CPS1: variants seen among roughly 807,000 people sequenced by gnomAD.
CPS1 encodes the protein carbamoyl-phosphate synthase [ammonia], mitochondrial.
Under a neutral mutation model 174.6 loss-of-function variants are expected in CPS1, and 109 were observed. The ratio of observed to expected loss-of-function variants is 0.62; its 90% confidence interval spans 0.53 to 0.73. CPS1 has a LOEUF of 0.73. CPS1 is among the 30% of genes least tolerant of loss of function. CPS1 has a pLI of 0.00. For synonymous variants in CPS1, 637 were observed against 632.0 expected, an observed-to-expected ratio of 1.01 and a Z score of -0.12; for missense variants, 1,689 against 1,821.9, an observed-to-expected ratio of 0.93 and a Z score of 1.33.
chr2:210,568,958 C>CT (rs897541185), intron 1 of CPS1, among the ~76,000 whole-genome samples: 5 of 151,070 alleles, frequency 3.3e-5, no homozygotes, highest in South Asian at 2.1e-4. Flanking sequence ...AGAGCATATG[C>CT]TTTTTTTTTC....
At chr2:210,507,639 C>T (rs368998876) in intron 1 of CPS1, among the ~76,000 whole-genome samples, 7 of 150,918 alleles carry the variant, frequency 4.6e-5, no homozygotes, top group East Asian at 3.9e-4. Context: ...ACCCATCTCA[C>T]ATGCAGAGAC....
intron 1 of CPS1, among the ~76,000 whole-genome samples, chr2:210,542,041 C>T (rs1296092140): frequency 6.6e-6 from 1 of 152,126 alleles, no homozygotes; most frequent in Non-Finnish European, 1.5e-5. Context: ...ATCTCATATA[C>T]TCAAGTATTC....
intron 30 of CPS1, chr2:210,658,170 G>T (rs1181272429): frequency 1.3e-5 from 3 of 229,458 alleles, no homozygotes; most frequent in Non-Finnish European, 2.6e-5. Flanking sequence ...CAACACAAAA[G>T]AAATCTCTCT....
rs542345057 is a variant in CPS1, at chr2:210,592,042, G to A, written c.1086+73G>A. On this transcript the variant is annotated intron_variant, in intron 10 of 37. Coordinates refer to ENST00000233072, the MANE Select transcript of CPS1 (RefSeq NM_001875.5). The stretch of plus-strand genomic sequence containing the variant: ...GCTTTTAAAAATAATTGATACATAA[G>A]CATTGTATATATTTATGAGATACAT... 214 of 1,471,868 alleles carry A rather than the reference G, an allele frequency of 1.5e-4. No individual in the cohort carries two copies. In the South Asian group the frequency reaches 2.0e-3, roughly 14 times the overall value. 91.2% of individuals were successfully genotyped at this position (1,471,868 alleles called of 1,614,324 possible).
At position 210,594,611 on chromosome 2, in the gene CPS1, G is replaced by C. The variant is rs1275489342; in HGVS notation, c.1263+5G>C. The C allele has an allele frequency of 6.2e-7, 1 of 1,600,608 alleles. No homozygotes were observed. Among genetic ancestry groups the C allele is most frequent in the Non-Finnish European group, 8.6e-7 (1 of 1,168,790 alleles). The stretch of plus-strand genomic sequence containing the variant: ...CTAGTTGCATCTCGGGTTGAGGTCA[G>C]TATGTGGGCTTATTTTTGGTTTATG... On this transcript the variant is annotated splice_donor_5th_base_variant and intron_variant, in intron 12 of 37. Coordinates refer to ENST00000233072, the MANE Select transcript of CPS1 (RefSeq NM_001875.5).
rs2105945922 is a variant in CPS1, at chr2:210,677,001, T to C, written c.4275-6T>C. On this transcript the variant is annotated splice_polypyrimidine_tract_variant and splice_region_variant and intron_variant, in intron 36 of 37. Transcript: ENST00000233072. ...GTTGTCTATAAGTTTTTGTTTATTTTTCCAGATTGATTAGAGATGGCAGCA... is the reference window on the plus strand; with the variant it reads ...GTTGTCTATAAGTTTTTGTTTATTTCTCCAGATTGATTAGAGATGGCAGCA... The C allele has an allele frequency of 3.1e-6, 5 of 1,613,196 alleles. No individual in the cohort carries two copies. The highest frequency in any genetic ancestry group is 3.4e-6 in the Non-Finnish European group (4 of 1,179,184).
intron 6 of CPS1, among the ~76,000 whole-genome samples, chr2:210,584,151 A>C (rs1698023524): frequency 1.3e-5 from 2 of 152,198 alleles, no homozygotes; most frequent in East Asian, 3.9e-4. Flanking sequence ...TGTTTTTACT[A>C]CATACAATGG....
At chr2:210,663,933 T>G (rs1265292829) in intron 33 of CPS1, among the ~76,000 whole-genome samples, 1 of 152,160 alleles carries the variant, frequency 6.6e-6, no homozygotes, top group East Asian at 1.9e-4. Context: ...TGAGCCATCA[T>G]TGTTTCCTCT....
intron 1 of CPS1, among the ~76,000 whole-genome samples, chr2:210,560,497 T>G (rs16844626): frequency 0.012 from 1,798 of 152,246 alleles, 31 homozygotes; most frequent in African/African-American, 0.039. Context: ...CCTTCTAACA[T>G]TAATCCACTC....
intron 31 of CPS1, 109 bp downstream of exon 31, chr2:210,658,797 A>G: frequency 1.3e-6 from 1 of 787,706 alleles, no homozygotes; most frequent in Non-Finnish European, 2.2e-6. Context: ...AGCAACTGAG[A>G]CCCCTGGATC....
intron 1 of CPS1, 111 bp downstream of exon 1, chr2:210,556,970 C>A: frequency 8.1e-7 from 1 of 1,238,224 alleles, no homozygotes. Flanking sequence ...CTCTGAAGTA[C>A]TAATGTATTA....
At chr2:210,676,924 TAA>T in intron 36 of CPS1, 81 bp from the exon 37 acceptor site, 1 of 1,407,748 alleles carries the variant, frequency 7.1e-7, no homozygotes, top group Non-Finnish European at 1.0e-6. Flanking sequence ...CTTGAATGGC[TAA>T]GAGAGCAATT....
chr2:210,520,919 CAA>C (rs1179173164), intron 1 of CPS1, among the ~76,000 whole-genome samples: 2 of 151,894 alleles, frequency 1.3e-5, no homozygotes, highest in Non-Finnish European at 1.5e-5. Context: ...CATTCATGTG[CAA>C]AAGTTTTATG....
At position 210,600,457 on chromosome 2, in the gene CPS1, G is replaced by A. The variant is rs773353935; in HGVS notation, c.1550-98G>A. The stretch of plus-strand genomic sequence containing the variant: ...CTATTGTAGACAGTGGTAACTTCTC[G>A]GATTTTAAGATTAAAAAAGTAGTTG... On this transcript the variant is annotated intron_variant, in intron 14 of 37. Transcript: ENST00000233072. 148 of 1,238,134 alleles carry A rather than the reference G, an allele frequency of 1.2e-4. 2 individuals carry two copies. In the South Asian group the frequency reaches 1.3e-3, roughly 11 times the overall value. 76.7% of individuals were successfully genotyped at this position (1,238,134 alleles called of 1,614,324 possible). A position where few individuals can be genotyped will look rare whatever the true frequency, so the allele number is the denominator to read the frequency against.
chr2:210,663,236 T>C (rs766739291), intron 33 of CPS1, 39 bp downstream of exon 33: 1 of 1,555,474 alleles, frequency 6.4e-7, no homozygotes, highest in Non-Finnish European at 8.9e-7. Flanking sequence ...TCATTAAATC[T>C]ACTTTGAAAT....
rs35833900 is a variant in CPS1, at chr2:210,579,809, GGT to G, written c.528+63_528+64del. The G allele has an allele frequency of 0.049, 56,569 of 1,163,308 alleles. 8 individuals are homozygous for G. Among genetic ancestry groups the G allele is most frequent in the South Asian group, 0.064 (4,110 of 64,342 alleles). The allele number at this position is 1,163,308 out of a possible 1,614,324, so 72.1% of individuals were successfully genotyped here. ...CTTTAGCCAAATCTATGTTTCTTCG[GGT>G]GTGTGTGTGTGTGTGTGTGTGTGGT... On this transcript the variant is annotated intron_variant, in intron 5 of 37. Coordinates refer to ENST00000233072, the MANE Select transcript of CPS1 (RefSeq NM_001875.5).
chr2:210,625,788 A>G (rs1699681968), intron 21 of CPS1, among the ~76,000 whole-genome samples: 1 of 152,156 alleles, frequency 6.6e-6, no homozygotes, highest in South Asian at 2.1e-4. Context: ...CCAAACACAT[A>G]GTGAGAAACA....
chr2:210,565,626 T>C (rs1697277037), intron 1 of CPS1, among the ~76,000 whole-genome samples: 1 of 152,236 alleles, frequency 6.6e-6, no homozygotes, highest in Non-Finnish European at 1.5e-5. Context: ...CGTATTTCTT[T>C]GTTTTATGAG....
rs144392030 is a variant in CPS1, at chr2:210,628,844, C to A, written c.2688-8858C>A. Among the ~76,000 whole-genome samples, 794 of 151,916 alleles carry A rather than the reference C, an allele frequency of 5.2e-3. 7 individuals carry two copies. Among genetic ancestry groups the A allele is most frequent in the African/African-American group, 0.018 (761 of 41,440 alleles). On this transcript the variant is annotated intron_variant, in intron 21 of 37. Transcript: ENST00000233072. Reference sequence around the variant, plus strand: ...TATTTTAACAAGGCTCTAAGTAATTCTTTCTAGAAGTCAAAGAAAGATATA... The same window carrying A: ...TATTTTAACAAGGCTCTAAGTAATTATTTCTAGAAGTCAAAGAAAGATATA...
Sources: allele counts gnomAD v4.1 joint callset (sites outside exome capture counted in the v4.1 genomes callset), GRCh38; gene constraint gnomAD v4.1.1; transcripts MANE v1.5; gene names NCBI Gene and HGNC (gene_info 2026-07-23, HGNC 2026-07-21).